The following FANK1 variants were observed in gnomAD, a reference collection of about 807,000 sequenced individuals.
The protein encoded by FANK1 is fibronectin type 3 and ankyrin repeat domains protein 1.
A neutral mutation model predicts 45.3 loss-of-function variants in FANK1; 44 were observed. The observed-to-expected ratio is 0.97, with a 90% CI of 0.76 to 1.25. FANK1 has a LOEUF of 1.25. FANK1 is among the 50% of genes most tolerant of loss of function. The pLI is 0.00. For synonymous variants in FANK1, 149 were observed against 152.5 expected, an observed-to-expected ratio of 0.98 and a Z score of 0.17; for missense variants, 391 against 424.4, an observed-to-expected ratio of 0.92 and a Z score of 0.69.
intron 1 of FANK1, chr10:125,973,456 C>T (rs1357777364): frequency 1.0e-6 from 1 of 985,218 alleles, no homozygotes; most frequent in Non-Finnish European, 1.2e-6. Context: ...CATCACCAGC[C>T]AGAATTGCTG....
At chr10:125,969,065 C>T (rs1261363467) in intron 1 of FANK1, among the ~76,000 whole-genome samples, 1 of 152,122 alleles carries the variant, frequency 6.6e-6, no homozygotes, top group African/African-American at 2.4e-5. Flanking sequence ...CATAATCGTC[C>T]TTTTGAGGTA....
intron 1 of FANK1, among the ~76,000 whole-genome samples, chr10:125,944,544 C>T (rs534550897): frequency 2.0e-5 from 3 of 152,274 alleles, no homozygotes; most frequent in South Asian, 4.1e-4. Flanking sequence ...CAAAACTGGC[C>T]ATAAACAATC....
chr10:125,971,875 G>A (rs1288101679), intron 1 of FANK1, among the ~76,000 whole-genome samples: 1 of 152,092 alleles, frequency 6.6e-6, no homozygotes, highest in Non-Finnish European at 1.5e-5. Context: ...GTCCACCTTG[G>A]CCTCCGAAAG....
At chr10:125,933,060 A>G (rs773325484) in intron 1 of FANK1, among the ~76,000 whole-genome samples, 6 of 152,132 alleles carry the variant, frequency 3.9e-5, no homozygotes, top group Non-Finnish European at 5.9e-5. Context: ...CCATTTGATC[A>G]TGGTGGATTA....
chr10:125,944,505 C>T (rs779123600), intron 1 of FANK1, among the ~76,000 whole-genome samples: 2 of 152,126 alleles, frequency 1.3e-5, no homozygotes, highest in Admixed American at 6.5e-5. Flanking sequence ...TGGGAGCAGG[C>T]CCCCCAAAAT....
At chr10:125,997,520 G>A in intron 6 of FANK1, 35 bp downstream of exon 6, 2 of 1,595,264 alleles carry the variant, frequency 1.3e-6, no homozygotes, top group Non-Finnish European at 1.7e-6. Context: ...TTGTGCTGAT[G>A]TTCTCAGAAT....
intron 3 of FANK1, chr10:125,994,447 C>T (rs554301750): frequency 1.1e-5 from 11 of 985,016 alleles, no homozygotes; most frequent in African/African-American, 3.5e-5. Flanking sequence ...AAACTCTTGC[C>T]GTTTGCGGAT....
intron 1 of FANK1, among the ~76,000 whole-genome samples, chr10:125,942,900 G>A (rs1162127848): frequency 1.4e-5 from 2 of 146,646 alleles, no homozygotes; most frequent in Non-Finnish European, 3.0e-5. Flanking sequence ...TGCAACATCT[G>A]CCTCCCGGGT....
chr10:125,974,035 A>G (rs1162037763), intron 1 of FANK1, among the ~76,000 whole-genome samples: 1 of 152,234 alleles, frequency 6.6e-6, no homozygotes, highest in Non-Finnish European at 1.5e-5. Flanking sequence ...TTACTGTAGG[A>G]AATATGCCAT....
chr10:125,924,130 C>T (rs934460873), intron 1 of FANK1, among the ~76,000 whole-genome samples: 8 of 151,850 alleles, frequency 5.3e-5, no homozygotes, highest in Non-Finnish European at 1.0e-4. Flanking sequence ...CCAAAAAACC[C>T]ACAAGTTTTA....
At chr10:125,906,515 C>CAAAAAAAAAAAAAAAAAAAAAAAAAAAA (rs34132526) in intron 1 of FANK1, among the ~76,000 whole-genome samples, 1 of 46,410 alleles carries the variant, frequency 2.2e-5, no homozygotes, top group Non-Finnish European at 4.3e-5. Context: ...GACTCTGTCT[C>CAAAAAAAAAAAAAAAAAAAAAAAAAAAA]AAAAAAAAAA....
intron 1 of FANK1, among the ~76,000 whole-genome samples, chr10:125,959,069 C>A (rs1269277424): frequency 1.3e-5 from 2 of 152,134 alleles, no homozygotes. Flanking sequence ...TAACTATTTA[C>A]AATGTTCTTC....
In FANK1 at chr10:125,898,019, A is replaced by AAAG. The variant is rs1188316407; in HGVS notation, c.13+1366_13+1367insGAA. Among the ~76,000 whole-genome samples, 89 of 83,482 alleles carry AAAG rather than the reference A, an allele frequency of 1.1e-3. 7 individuals carry two copies. Among genetic ancestry groups the AAAG allele is most frequent in the East Asian group, 5.6e-3 (16 of 2,856 alleles). 54.8% of individuals were successfully genotyped at this position (83,482 alleles called of 152,430 possible). ...AATACAAAAAAAAAAAAAAAAAAAA[A>AAAG]AAAAAAAAAAAAAAAGCCAGGTGTG... On this transcript the variant is annotated intron_variant, in intron 1 of 10. Coordinates refer to ENST00000368693, the MANE Select transcript of FANK1 (RefSeq NM_145235.5).
chr10:125,900,468 C>A (rs369931181), intron 1 of FANK1, among the ~76,000 whole-genome samples: 2 of 149,234 alleles, frequency 1.3e-5, no homozygotes, highest in African/African-American at 5.0e-5. Flanking sequence ...CAAATCTAAG[C>A]AAACATATAA....
chr10:125,956,992 G>T (rs114138286), intron 1 of FANK1, among the ~76,000 whole-genome samples: 1 of 152,042 alleles, frequency 6.6e-6, no homozygotes, highest in African/African-American at 2.4e-5. Context: ...ATAGCTAGCC[G>T]GGACTACAGG....
chr10:125,944,600 G>A (rs1449813469), intron 1 of FANK1, among the ~76,000 whole-genome samples: 3 of 152,186 alleles, frequency 2.0e-5, no homozygotes, highest in Non-Finnish European at 4.4e-5. Flanking sequence ...CGCCCAAGCT[G>A]GAAGGTTGTG....
intron 1 of FANK1, among the ~76,000 whole-genome samples, chr10:125,943,294 C>T (rs1948570769): frequency 6.6e-6 from 1 of 151,804 alleles, no homozygotes; most frequent in African/African-American, 2.4e-5. Context: ...TTCTAAATTG[C>T]AGTTAAAATG....
intron 1 of FANK1, among the ~76,000 whole-genome samples, chr10:125,977,022 A>G (rs1950896883): frequency 6.6e-6 from 1 of 151,414 alleles, no homozygotes; most frequent in Non-Finnish European, 1.5e-5. Flanking sequence ...TTTTACTGTG[A>G]TTGTTCTTTT....
In FANK1 at chr10:125,904,433, C is replaced by G. The variant is rs554178080; in HGVS notation, c.13+7778C>G. ...AAGGGAAAAAATAACACCAACATTACAGATTTTTTTTTTTTTTAATCTTAG... is the reference window on the plus strand; with the variant it reads ...AAGGGAAAAAATAACACCAACATTAGAGATTTTTTTTTTTTTTAATCTTAG... On this transcript the variant is annotated intron_variant, in intron 1 of 10. Transcript: ENST00000368693. Among the ~76,000 whole-genome samples, 25 of 152,030 alleles carry G rather than the reference C, an allele frequency of 1.6e-4. No individual in the cohort carries two copies. The East Asian group carries it at 4.9e-3, about 30-fold the overall frequency.
Sources: allele counts gnomAD v4.1 joint callset (sites outside exome capture counted in the v4.1 genomes callset), GRCh38; gene constraint gnomAD v4.1.1; transcripts MANE v1.5; gene names NCBI Gene and HGNC (gene_info 2026-07-23, HGNC 2026-07-21).